The following RHCE variants were observed in gnomAD, a reference collection of about 807,000 sequenced individuals.
The protein encoded by RHCE is blood group Rh(CE) polypeptide.
In RHCE, 22 loss-of-function variants were observed where a neutral mutation model predicts 43.8. That is an observed-to-expected ratio of 0.50 (90% CI 0.36 to 0.72). The LOEUF (loss-of-function observed/expected upper bound fraction) is 0.72. RHCE is among the 30% of genes least tolerant of loss of function. The pLI, the probability that RHCE is intolerant of heterozygous loss-of-function variation, is 0.00. For missense variants in RHCE, 385 were observed against 525.4 expected (o/e 0.73, Z 2.61); for synonymous variants, 156 against 210.7 (o/e 0.74, Z 2.25).
At position 25,420,769 on chromosome 1, in the gene RHCE, C is replaced by T. The variant is rs1440527105; in HGVS notation, c.18G>A (p.Pro6=). 3.7e-6 allele frequency: 6 copies of T among 1,608,856 alleles called. No individual in the cohort carries two copies. The highest frequency in any genetic ancestry group is 2.2e-5 in the East Asian group (1 of 44,830). Residue 6 remains proline, a synonymous_variant, in exon 1 of 10, where the codon CCG becomes CCA. Coordinates refer to ENST00000294413, the MANE Select transcript of RHCE (RefSeq NM_020485.8). The part of the protein sequence containing the change: MSSKY[P]RSVRRCLPLC... ...GGGGCAGGCAGCGCCGGACAGACCG[C>T]GGGTACTTAGAGCTCATCCTGTGTC...
intron 7 of RHCE, among the ~76,000 whole-genome samples, chr1:25,383,411 T>G (rs763457598): frequency 1.3e-5 from 2 of 152,190 alleles, no homozygotes; most frequent in Non-Finnish European, 2.9e-5. Flanking sequence ...TCTCCATCTT[T>G]CCATTACATA....
At chr1:25,406,420 C>T (rs1446824183) in intron 2 of RHCE, among the ~76,000 whole-genome samples, 3 of 118,138 alleles carry the variant, frequency 2.5e-5, no homozygotes, top group African/African-American at 2.6e-5. Context: ...TCAAGTGATT[C>T]GCCTGCCTCA....
chr1:25,373,356 G>A (rs1042776987), intron 8 of RHCE, among the ~76,000 whole-genome samples: 2 of 151,684 alleles, frequency 1.3e-5, no homozygotes, highest in Non-Finnish European at 2.9e-5. Context: ...CCAATTCATT[G>A]CGAATTTAAA....
chr1:25,370,504 T>A lies in RHCE; in HGVS notation c.1190A>T (p.His397Leu), dbSNP rs1372583201. 1 of 1,612,712 alleles carries A rather than the reference T, an allele frequency of 6.2e-7. No individual in the cohort carries two copies. The stretch of plus-strand genomic sequence containing the variant: ...TTGGTCATCAAAATATTTAGCCACA[T>A]GAGGTGCTTTCCATATTTTGAGATT... ...LLNLKIWKAP[H>L]VAKYFDDQVF... The change falls in exon 9 of 10, where the codon CAT (histidine) becomes CTT (leucine). Residue 397 changes from histidine to leucine, a missense_variant. Coordinates refer to ENST00000294413, the MANE Select transcript of RHCE (RefSeq NM_020485.8).
intron 7 of RHCE, among the ~76,000 whole-genome samples, chr1:25,376,786 T>C (rs931210750): frequency 1.4e-4 from 22 of 151,992 alleles, no homozygotes; most frequent in African/African-American, 5.3e-4. Flanking sequence ...TGGTGGCAGG[T>C]GCCTGCAGTC....
upstream of RHCE, among the ~76,000 whole-genome samples, chr1:25,421,513 T>A (rs368219594): frequency 6.6e-6 from 1 of 152,180 alleles, no homozygotes; most frequent in East Asian, 1.9e-4. Context: ...TTGCTCTACC[T>A]CTGGTCACCT....
In RHCE at chr1:25,412,417, A is replaced by G. The variant is rs575997554; in HGVS notation, c.149-3548T>C. Among the ~76,000 whole-genome samples the G allele has an allele frequency of 2.0e-5, 3 of 152,254 alleles. No individual in the cohort carries two copies. In the East Asian group the frequency reaches 5.8e-4, roughly 29 times the overall value. On this transcript the variant is annotated intron_variant, in intron 1 of 9. Transcript: ENST00000294413. ...GATAAGGGCAGAGTTGGGGCCCTAA[A>G]GATTAGGAAGTCAGACCAGGTGTGG...
In RHCE at chr1:25,406,689, G is replaced by C. The variant is rs1263698499; in HGVS notation, c.335+1994C>G. Among the ~76,000 whole-genome samples the C allele has an allele frequency of 1.8e-5, 2 of 111,972 alleles. 1 individual carries two copies. The highest frequency in any genetic ancestry group is 9.2e-4 in the East Asian group (2 of 2,166). The allele number at this position is 111,972 out of a possible 152,430, so 73.5% of individuals were successfully genotyped here. A position where few individuals can be genotyped will look rare whatever the true frequency, so the allele number is the denominator to read the frequency against. On this transcript the variant is annotated intron_variant, in intron 2 of 9. Coordinates refer to ENST00000294413, the MANE Select transcript of RHCE (RefSeq NM_020485.8). ...CGCCCAGGCTAGAGTGCAGTGGCACGATCTCGGCTCACTGCAAACTCCGCC... is the reference window on the plus strand; with the variant it reads ...CGCCCAGGCTAGAGTGCAGTGGCACCATCTCGGCTCACTGCAAACTCCGCC...
intron 7 of RHCE, among the ~76,000 whole-genome samples, chr1:25,376,987 G>A (rs1645808253): frequency 6.6e-6 from 1 of 152,048 alleles, no homozygotes; most frequent in African/African-American, 2.4e-5. Context: ...TGTAGGGAGT[G>A]CAGATGTCAA....
chr1:25,370,983 T>C (rs1007834205), intron 8 of RHCE, among the ~76,000 whole-genome samples: 88 of 149,470 alleles, frequency 5.9e-4, no homozygotes, highest in African/African-American at 2.1e-3. Flanking sequence ...CTCGAACTCC[T>C]GACCTCAGGT....
intron 3 of RHCE, among the ~76,000 whole-genome samples, chr1:25,393,725 G>C (rs1228586843): frequency 6.6e-6 from 1 of 151,866 alleles, no homozygotes; most frequent in Non-Finnish European, 1.5e-5. Flanking sequence ...TTCTTGCCAC[G>C]ACCCTGCAGG....
At chr1:25,405,409 T>A (rs1215953912) in intron 2 of RHCE, among the ~76,000 whole-genome samples, 1 of 152,126 alleles carries the variant, frequency 6.6e-6, no homozygotes, top group Non-Finnish European at 1.5e-5. Context: ...TCCCAGTACT[T>A]TGGGAGGCCT....
At chr1:25,400,251 T>C (rs1393768226) in intron 3 of RHCE, among the ~76,000 whole-genome samples, 2 of 152,250 alleles carry the variant, frequency 1.3e-5, no homozygotes, top group Non-Finnish European at 1.5e-5. Flanking sequence ...CTCCTGCTCT[T>C]GAATCAGTCA....
chr1:25,420,977 G>A (rs1270953308), upstream of RHCE: 1 of 804,234 alleles, frequency 1.2e-6, no homozygotes, highest in African/African-American at 1.7e-5. Flanking sequence ...GGGGAGGGGA[G>A]GAAATGTATG....
chr1:25,377,844 G>A (rs1645835973), intron 7 of RHCE, among the ~76,000 whole-genome samples: 1 of 152,224 alleles, frequency 6.6e-6, no homozygotes. Flanking sequence ...GGCAGAGGTT[G>A]TAGTGAGCTG....
At chr1:25,421,740 G>A (rs937914477), upstream of RHCE, among the ~76,000 whole-genome samples, 6 of 152,166 alleles carry the variant, frequency 3.9e-5, no homozygotes, top group African/African-American at 1.4e-4. Context: ...TAAGTGTCAA[G>A]GAAGGAAGGA....
chr1:25,425,649 T>C (rs1477629882), upstream of RHCE, among the ~76,000 whole-genome samples: 4 of 152,220 alleles, frequency 2.6e-5, no homozygotes, highest in Non-Finnish European at 5.9e-5. Flanking sequence ...AGTGGTGCTA[T>C]GTCCACGGCG....
chr1:25,412,742 A>C (rs1456535298), intron 1 of RHCE, among the ~76,000 whole-genome samples: 2 of 148,574 alleles, frequency 1.3e-5, no homozygotes, highest in Non-Finnish European at 3.0e-5. Context: ...AAAAAAAAAA[A>C]GGCCGGGCAC....
At chr1:25,371,053 G>A (rs969252465) in intron 8 of RHCE, among the ~76,000 whole-genome samples, 5 of 149,150 alleles carry the variant, frequency 3.4e-5, no homozygotes, top group Admixed American at 1.3e-4. Flanking sequence ...ACCACACCCG[G>A]CCGATTCTGT....
Sources: allele counts gnomAD v4.1 joint callset (sites outside exome capture counted in the v4.1 genomes callset), GRCh38; gene constraint gnomAD v4.1.1; transcripts MANE v1.5; gene names NCBI Gene and HGNC (gene_info 2026-07-23, HGNC 2026-07-21).